Variants in MCTP2 observed in about 807,000 individuals in gnomAD.
The protein encoded by MCTP2 is multiple C2 and transmembrane domain-containing protein 2.
In MCTP2, 132 loss-of-function variants were observed where a neutral mutation model predicts 111.6. The ratio of observed to expected loss-of-function variants is 1.18; its 90% CI spans 1.03 to 1.37. The LOEUF (loss-of-function observed/expected upper bound fraction) is 1.37. Among genes scored for constraint, MCTP2 ranks in the 40% most tolerant of loss-of-function variants. The pLI is 0.00. For missense variants in MCTP2, 1,183 were observed against 1,067.9 expected, an observed-to-expected ratio of 1.11 and a Z score of -1.50; for synonymous variants, 395 against 387.7, an observed-to-expected ratio of 1.02 and a Z score of -0.22.
intron 17 of MCTP2, among the ~76,000 whole-genome samples, chr15:94,409,634 C>T (rs749977942): frequency 4.6e-5 from 7 of 151,958 alleles, no homozygotes; most frequent in African/African-American, 1.2e-4. Flanking sequence ...CTCCAGAGGT[C>T]GTGTAGCAAC....
intron 8 of MCTP2, among the ~76,000 whole-genome samples, chr15:94,348,140 A>G (rs1247215694): frequency 2.6e-5 from 4 of 151,888 alleles, no homozygotes; most frequent in African/African-American, 7.2e-5. Flanking sequence ...TTTTTTCTGT[A>G]CGAAATTAAT....
chr15:94,433,221 C>T (rs181821926), intron 17 of MCTP2, among the ~76,000 whole-genome samples: 1 of 152,262 alleles, frequency 6.6e-6, no homozygotes, highest in East Asian at 1.9e-4. Flanking sequence ...TTTCATGAGT[C>T]ATGTTCTCCT....
chr15:94,413,434 TTC>T (rs1205829166), intron 17 of MCTP2, among the ~76,000 whole-genome samples: 1 of 151,940 alleles, frequency 6.6e-6, no homozygotes. Flanking sequence ...ATTTTAAGGC[TTC>T]TTTTTTTTTT....
At chr15:94,367,246 C>T (rs568762908) in intron 10 of MCTP2, among the ~76,000 whole-genome samples, 40 of 152,244 alleles carry the variant, frequency 2.6e-4, no homozygotes, top group African/African-American at 8.7e-4. Flanking sequence ...GCACAGCCCA[C>T]GGAAGCCATA....
rs192865569 is a variant in MCTP2 at position 94,245,587 on chromosome 15, C to G, written c.-66+13923C>G. On this transcript the variant is annotated intron_variant, in intron 1 of 22. Transcript: ENST00000357742. ...ATATATGTATATATACGTATATGTA[C>G]ATATACGTATATAGACATATACATA... Among the ~76,000 whole-genome samples the G allele has an allele frequency of 1.1e-3, 160 of 141,358 alleles. 1 individual carries two copies. The highest frequency in any genetic ancestry group is 4.1e-3 in the African/African-American group (157 of 38,712). 92.7% of individuals were successfully genotyped at this position (141,358 alleles called of 152,430 possible).
intron 10 of MCTP2, among the ~76,000 whole-genome samples, chr15:94,365,547 A>G (rs1170612939): frequency 2.0e-5 from 3 of 152,216 alleles, no homozygotes; most frequent in East Asian, 1.9e-4. Flanking sequence ...TAAGTTGAGC[A>G]CTTAAACAGT....
chr15:94,240,637 G>A (rs1490186337), intron 1 of MCTP2, among the ~76,000 whole-genome samples: 1 of 152,090 alleles, frequency 6.6e-6, no homozygotes, highest in Non-Finnish European at 1.5e-5. Context: ...GAAGATAAAC[G>A]CAGCATGGTC....
intron 21 of MCTP2, 112 bp downstream of exon 21, chr15:94,470,554 G>C: frequency 1.2e-6 from 1 of 841,272 alleles, no homozygotes; most frequent in South Asian, 1.5e-5. Context: ...AATTAAACAT[G>C]AGATTAAGGA....
At chr15:94,301,909 G>C (rs981220983) in intron 2 of MCTP2, among the ~76,000 whole-genome samples, 2 of 150,938 alleles carry the variant, frequency 1.3e-5, no homozygotes. Flanking sequence ...TGGTTCCTCT[G>C]TGTTTTAGAT....
chr15:94,258,944 A>T (rs2073016418), intron 1 of MCTP2, among the ~76,000 whole-genome samples: 1 of 152,236 alleles, frequency 6.6e-6, no homozygotes, highest in African/African-American at 2.4e-5. Flanking sequence ...TTACATATTT[A>T]CTTATAAATT....
At chr15:94,320,362 C>CAAGGT (rs2076577116) in intron 4 of MCTP2, among the ~76,000 whole-genome samples, 1 of 151,994 alleles carries the variant, frequency 6.6e-6, no homozygotes, top group Non-Finnish European at 1.5e-5. Context: ...AGGATGGTCT[C>CAAGGT]GATCTCCTGA....
chr15:94,407,073 A>G (rs1182273020), intron 17 of MCTP2, among the ~76,000 whole-genome samples: 1 of 152,182 alleles, frequency 6.6e-6, no homozygotes, highest in Non-Finnish European at 1.5e-5. Context: ...TTCTCAAAAG[A>G]TAACTTTGCA....
rs201652396 is a variant in MCTP2, at chr15:94,397,573, G to A, written c.1789-1388G>A. 2.6e-5 allele frequency among the ~76,000 whole-genome samples: 4 copies of A among 152,258 alleles called. No homozygotes were observed. In the East Asian group the frequency reaches 7.7e-4, roughly 29 times the overall value. ...TAGGAAGGAAACCAGGTCTTTATGG[G>A]GCACCCCCTTCCTCTTAGCTGCTGG... On this transcript the variant is annotated intron_variant, in intron 14 of 22. Coordinates refer to ENST00000357742, the MANE Select transcript of MCTP2 (RefSeq NM_001385001.1).
intron 4 of MCTP2, among the ~76,000 whole-genome samples, chr15:94,324,349 T>TAC (rs2076759270): frequency 6.6e-6 from 1 of 152,242 alleles, no homozygotes; most frequent in South Asian, 2.1e-4. Flanking sequence ...GCTGTAATGT[T>TAC]AGGCCGCTGT....
chr15:94,356,615 G>A (rs757451099), intron 9 of MCTP2, among the ~76,000 whole-genome samples: 1 of 152,120 alleles, frequency 6.6e-6, no homozygotes, highest in African/African-American at 2.4e-5. Context: ...AAAAGGATAA[G>A]TAAAAGTTTT....
intron 4 of MCTP2, among the ~76,000 whole-genome samples, chr15:94,329,522 A>AAG (rs1032785074): frequency 2.6e-5 from 4 of 152,074 alleles, no homozygotes; most frequent in East Asian, 1.9e-4. Flanking sequence ...GAGCAGGAGC[A>AAG]AGAGAGAGAG....
chr15:94,267,869 C>CTTTTTTTTTTTTTTTTTTTTTTTTTT lies in MCTP2; in HGVS notation c.-65-30318_-65-30317insTTTTTTTTTTTTTTTTTTTTTTTTTT, dbSNP rs755287019. Among the ~76,000 whole-genome samples the CTTTTTTTTTTTTTTTTTTTTTTTTTT allele has an allele frequency of 1.1e-3, 88 of 77,452 alleles. 17 individuals carry two copies. Among genetic ancestry groups the CTTTTTTTTTTTTTTTTTTTTTTTTTT allele is most frequent in the African/African-American group, 2.8e-3 (48 of 17,434 alleles). The allele number at this position is 77,452 out of a possible 152,430, so 50.8% of individuals were successfully genotyped here. A position where few individuals can be genotyped will look rare whatever the true frequency, so the allele number is the denominator to read the frequency against. ...GGTCTGGATTACTTTCCTTTTCTTT[C>CTTTTTTTTTTTTTTTTTTTTTTTTTT]TTTTTTTTTTTTTTGAGACAGAGTC... On this transcript the variant is annotated intron_variant, in intron 1 of 22. Transcript: ENST00000357742.
intron 20 of MCTP2, among the ~76,000 whole-genome samples, chr15:94,460,461 G>A (rs528825192): frequency 1.1e-3 from 161 of 152,170 alleles, no homozygotes; most frequent in Middle Eastern, 0.01. Flanking sequence ...TTGAGGAGAT[G>A]GAAAAAGTCA....
At chr15:94,275,914 T>C (rs2074170883) in intron 1 of MCTP2, among the ~76,000 whole-genome samples, 1 of 149,410 alleles carries the variant, frequency 6.7e-6, no homozygotes, top group South Asian at 2.1e-4. Context: ...GTGGCGCGGA[T>C]CTTGGCTCAC....
Sources: gnomAD v4.1 joint callset for allele counts (sites outside exome capture counted in the v4.1 genomes callset) on GRCh38, gnomAD v4.1.1 for gene constraint, MANE v1.5 for transcripts, NCBI Gene and HGNC (gene_info 2026-07-23, HGNC 2026-07-21) for gene names.